The following MACO1 variants were observed in gnomAD, a reference collection of about 807,000 sequenced individuals.
MACO1 encodes the protein macoilin 1, also known as macoilin.
A neutral mutation model predicts 78.7 loss-of-function variants in MACO1; 14 were observed. The ratio of observed to expected loss-of-function variants is 0.18; its 90% confidence interval spans 0.12 to 0.28. The LOEUF is 0.28. Ranked by LOEUF, MACO1 falls within the 10% of genes least tolerant of loss-of-function variation. The pLI, the probability that MACO1 is intolerant of heterozygous loss-of-function variation, is 1.00. For missense variants in MACO1, 501 were observed against 799.0 expected (o/e 0.63, Z 4.50); for synonymous variants, 288 against 291.6 (o/e 0.99, Z 0.12).
intron 5 of MACO1, among the ~76,000 whole-genome samples, chr1:25,457,667 A>C (rs1029829935): frequency 6.6e-6 from 1 of 152,238 alleles, no homozygotes; most frequent in Non-Finnish European, 1.5e-5. Context: ...CATTTGACCA[A>C]TAGAAATAGA....
intron 6 of MACO1, among the ~76,000 whole-genome samples, chr1:25,474,982 C>A (rs2043307253): frequency 1.3e-5 from 2 of 152,164 alleles, no homozygotes; most frequent in South Asian, 4.1e-4. Context: ...GCTAGAGAAT[C>A]TAAATTTAGA....
chr1:25,441,168 T>C (rs1291632431), intron 1 of MACO1, among the ~76,000 whole-genome samples: 2 of 152,230 alleles, frequency 1.3e-5, no homozygotes, highest in African/African-American at 2.4e-5. Flanking sequence ...CTAAACACTT[T>C]TCTACATTAC....
intron 1 of MACO1, among the ~76,000 whole-genome samples, chr1:25,438,591 A>G (rs1342751102): frequency 6.6e-6 from 1 of 152,238 alleles, no homozygotes; most frequent in Non-Finnish European, 1.5e-5. Context: ...TAAAATGGAT[A>G]AGGGAAATTC....
chr1:25,452,521 C>T (rs2043075762), intron 3 of MACO1, among the ~76,000 whole-genome samples: 1 of 152,172 alleles, frequency 6.6e-6, no homozygotes, highest in African/African-American at 2.4e-5. Flanking sequence ...CTTTGTCCTA[C>T]AACTTGTTCT....
At chr1:25,489,315 TC>T in intron 9 of MACO1, 22 bp downstream of exon 9, 1 of 1,610,814 alleles carries the variant, frequency 6.2e-7, no homozygotes, top group Non-Finnish European at 8.5e-7. Flanking sequence ...ACAAAAGACT[TC>T]CCTTGTATTT....
intron 6 of MACO1, among the ~76,000 whole-genome samples, chr1:25,477,839 G>A (rs1024485988): frequency 2.0e-4 from 31 of 152,210 alleles, no homozygotes; most frequent in African/African-American, 7.2e-4. Context: ...GGTGTGGGCT[G>A]TAATTCAGGT....
intron 1 of MACO1, among the ~76,000 whole-genome samples, chr1:25,445,135 A>T (rs1039985529): frequency 7.9e-6 from 1 of 127,022 alleles, no homozygotes; most frequent in African/African-American, 4.3e-5. Context: ...TCTCTATTAA[A>T]AAAAAAAAAA....
chr1:25,442,061 T>G (rs567432107), intron 1 of MACO1, among the ~76,000 whole-genome samples: 1 of 152,374 alleles, frequency 6.6e-6, no homozygotes, highest in South Asian at 2.1e-4. Context: ...CCTAGGGATC[T>G]GGTTAAAATG....
rs773055412 is a variant in MACO1, at chr1:25,458,485, G to T, written c.747G>T (p.Glu249Asp). ...ANKKLSTTLP[E>D]IEYREKGKEK... is the part of the protein sequence containing the mutation. ...AAAAACTCTCCACAACTTTGCCAGA[G>T]ATAGAATACCGAGAAAAAGGGAAAG... The change falls in exon 6 of 11, where the codon GAG becomes GAT. Residue 249 changes from glutamate (E) to aspartate (D), a missense_variant. Around this residue, in one of 5 missense-constraint regions of MACO1, gnomAD observed 90 missense variants for 85.7 expected, o/e 1.05. Coordinates refer to ENST00000374343, the MANE Select transcript of MACO1 (RefSeq NM_018202.6). 1.2e-6 allele frequency: 2 copies of T among 1,613,800 alleles called. No homozygotes were observed. The highest frequency in any genetic ancestry group is 4.5e-5 in the East Asian group (2 of 44,854).
chr1:25,492,622 A>G (rs535218534), intron 10 of MACO1, among the ~76,000 whole-genome samples: 1 of 152,190 alleles, frequency 6.6e-6, no homozygotes, highest in South Asian at 2.1e-4. Flanking sequence ...ACTGTATGGG[A>G]CTTGAGGCCC....
At chr1:25,445,798 T>G (rs2043010798) in intron 1 of MACO1, among the ~76,000 whole-genome samples, 1 of 152,190 alleles carries the variant, frequency 6.6e-6, no homozygotes, top group Non-Finnish European at 1.5e-5. Context: ...GAATTTTAGG[T>G]ATTTCCATTT....
chr1:25,491,406 A>G lies in MACO1; in HGVS notation c.1618-4A>G. 1 of 1,614,170 alleles carries G rather than the reference A, an allele frequency of 6.2e-7. No homozygotes were observed. The highest frequency in any genetic ancestry group is 1.7e-5 in the Admixed American group (1 of 60,030). On this transcript the variant is annotated splice_region_variant and splice_polypyrimidine_tract_variant and intron_variant, in intron 9 of 10. Transcript: ENST00000374343. ...TAGCATTGCTGTTTTGATGATATTG[A>G]TAGGAGCTTCGGAAATATAAGGAAA...
At chr1:25,434,069 G>A (rs1265023738) in intron 1 of MACO1, among the ~76,000 whole-genome samples, 6 of 152,206 alleles carry the variant, frequency 3.9e-5, no homozygotes, top group African/African-American at 1.2e-4. Context: ...ATCATTTATT[G>A]TGAGTATCAT....
At chr1:25,479,419 T>C (rs1025239059) in intron 6 of MACO1, among the ~76,000 whole-genome samples, 2 of 152,154 alleles carry the variant, frequency 1.3e-5, no homozygotes, top group African/African-American at 4.8e-5. Context: ...TAACACATAC[T>C]TCTTTTTTTT....
Position 25,479,889 on chromosome 1 carries a change from A to G in MACO1, c.1155-4227A>G, listed in dbSNP as rs116772698. The stretch of plus-strand genomic sequence containing the variant: ...AAGGTACTTGTGATTTATAAGCTGT[A>G]TATGTGGTACTCTCTCACCAATATT... On this transcript the variant is annotated intron_variant, in intron 6 of 10. Coordinates refer to ENST00000374343, the MANE Select transcript of MACO1 (RefSeq NM_018202.6). Among the ~76,000 whole-genome samples, 379 of 152,328 alleles carry G rather than the reference A, an allele frequency of 2.5e-3. 4 individuals carry two copies. The highest frequency in any genetic ancestry group is 0.01 in the Middle Eastern group (3 of 294).
intron 10 of MACO1, 53 bp from the exon 11 acceptor site, chr1:25,498,211 T>C: frequency 6.3e-7 from 1 of 1,592,842 alleles, no homozygotes; most frequent in Non-Finnish European, 8.6e-7. Context: ...CCTGGGGACA[T>C]TGTGTTGGGT....
At chr1:25,432,523 C>G (rs1365924956) in intron 1 of MACO1, among the ~76,000 whole-genome samples, 1 of 152,190 alleles carries the variant, frequency 6.6e-6, no homozygotes, top group African/African-American at 2.4e-5. Flanking sequence ...AGACTCTAAT[C>G]TATGCTGGAT....
In MACO1 at chr1:25,498,506, A is replaced by G. The variant is rs748986355; in HGVS notation, c.*40A>G. The G allele has an allele frequency of 1.9e-6, 3 of 1,539,494 alleles. No individual in the cohort carries two copies. The highest frequency in any genetic ancestry group is 2.1e-4 in the Middle Eastern group (1 of 4,816). On this transcript the variant is annotated 3_prime_UTR_variant, in exon 11 of 11. Coordinates refer to ENST00000374343, the MANE Select transcript of MACO1 (RefSeq NM_018202.6). ...TTGTGCCCAAAAATTTGGTTACCGG[A>G]AGGCATTGCAAAGGAGCGTCTCTGG...
chr1:25,446,953 T>G (rs1217779624), intron 2 of MACO1, 50 bp downstream of exon 2: 5 of 1,575,876 alleles, frequency 3.2e-6, no homozygotes, highest in Non-Finnish European at 4.3e-6. Flanking sequence ...TTCAGCTGTT[T>G]AGAGTAGATG....
Sources: gnomAD v4.1 joint callset for allele counts (sites outside exome capture counted in the v4.1 genomes callset) on GRCh38, gnomAD v4.1.1 for gene constraint, gnomAD v4.1.1 regional missense constraint, MANE v1.5 for transcripts, NCBI Gene and HGNC (gene_info 2026-07-23, HGNC 2026-07-21) for gene names.